The following FSTL4 variants were observed in gnomAD, a reference collection of about 807,000 sequenced individuals.
FSTL4 encodes the protein follistatin like 4.
Under a neutral mutation model 78.2 loss-of-function variants are expected in FSTL4, and 28 were observed. That is an observed-to-expected ratio of 0.36 (90% CI 0.27 to 0.49). FSTL4 has a LOEUF of 0.49. Ranked by LOEUF, FSTL4 falls within the 20% of genes least tolerant of loss-of-function variation. FSTL4 has a pLI of 0.98. For synonymous variants in FSTL4, 422 were observed against 440.5 expected (o/e 0.96, Z 0.53); for missense variants, 922 against 1,084.9 (o/e 0.85, Z 2.11).
At chr5:133,764,398 T>G in the FSTL4 span, among the ~76,000 whole-genome samples, 1 of 152,150 alleles carries the variant, frequency 6.6e-6, no homozygotes, top group African/African-American at 2.4e-5. Context: ...GCACCAGGCA[T>G]GATTCCAGGA....
chr5:133,591,852 T>C (rs1760634970), intron 2 of FSTL4, among the ~76,000 whole-genome samples: 1 of 152,048 alleles, frequency 6.6e-6, no homozygotes, highest in Non-Finnish European at 1.5e-5. Flanking sequence ...CCTGAGCCCA[T>C]GAAGGCATCC....
chr5:133,375,581 G>A (rs1755415675), intron 4 of FSTL4, among the ~76,000 whole-genome samples: 1 of 152,000 alleles, frequency 6.6e-6, no homozygotes, highest in African/African-American at 2.4e-5. Flanking sequence ...GTTGGTGAAA[G>A]CATGAAAGGA....
chr5:133,753,742 G>T, the FSTL4 span, among the ~76,000 whole-genome samples: 3 of 144,352 alleles, frequency 2.1e-5, no homozygotes, highest in East Asian at 2.0e-4. Flanking sequence ...GGCAGGGAAG[G>T]TCTGGCCCAG....
At chr5:133,263,384 G>A (rs1350296065) in intron 6 of FSTL4, among the ~76,000 whole-genome samples, 4 of 152,064 alleles carry the variant, frequency 2.6e-5, no homozygotes, top group African/African-American at 4.8e-5. Flanking sequence ...GAGATCTGAG[G>A]GTGGAGTTCT....
chr5:133,550,807 AG>A (rs1308237019), intron 3 of FSTL4, among the ~76,000 whole-genome samples: 8 of 152,250 alleles, frequency 5.3e-5, no homozygotes, highest in Non-Finnish European at 8.8e-5. Flanking sequence ...ATGAGTAATA[AG>A]AGTAGGATAA....
chr5:133,223,998 A>T (rs1282310899), intron 11 of FSTL4, 192 bp downstream of exon 11: 19 of 524,454 alleles, frequency 3.6e-5, no homozygotes, highest in East Asian at 6.4e-5. Flanking sequence ...GCATTTAAAA[A>T]TTTCTCATTA....
intron 3 of FSTL4, among the ~76,000 whole-genome samples, chr5:133,430,216 A>G (rs552831147): frequency 2.6e-5 from 4 of 152,298 alleles, no homozygotes; most frequent in East Asian, 1.9e-4. Context: ...AGAAAAACCA[A>G]TTTAGTTAAT....
chr5:133,456,105 T>C (rs1757482514), intron 3 of FSTL4, among the ~76,000 whole-genome samples: 1 of 152,242 alleles, frequency 6.6e-6, no homozygotes, highest in Non-Finnish European at 1.5e-5. Flanking sequence ...GCCTCAGCCA[T>C]GTGGATCAGT....
chr5:133,372,844 A>T (rs1326658041), intron 4 of FSTL4, among the ~76,000 whole-genome samples: 1 of 152,124 alleles, frequency 6.6e-6, no homozygotes, highest in East Asian at 1.9e-4. Context: ...CTCTGCTTTA[A>T]TTGTGCCCAG....
chr5:133,788,468 G>A, the FSTL4 span, among the ~76,000 whole-genome samples: 3 of 152,158 alleles, frequency 2.0e-5, no homozygotes, highest in African/African-American at 2.4e-5. Flanking sequence ...GGCAAGTGCC[G>A]CTCACACCAG....
intron 6 of FSTL4, among the ~76,000 whole-genome samples, chr5:133,269,602 T>G (rs1013979715): frequency 6.6e-6 from 1 of 152,220 alleles, no homozygotes; most frequent in African/African-American, 2.4e-5. Context: ...TCATGCTCAC[T>G]TGGGTTCTGG....
chr5:133,362,142 A>G (rs1022937864), intron 4 of FSTL4, among the ~76,000 whole-genome samples: 1 of 152,244 alleles, frequency 6.6e-6, no homozygotes, highest in Non-Finnish European at 1.5e-5. Context: ...TGAGTTGCCA[A>G]TTCCATAAAC....
chr5:133,591,163 T>TTTACAGCCTGTC, intron 2 of FSTL4, among the ~76,000 whole-genome samples: 1 of 152,264 alleles, frequency 6.6e-6, no homozygotes, highest in East Asian at 1.9e-4. Context: ...CCAAGCCTGT[T>TTTACAGCCTGTC]TTACAGCCTG....
chr5:133,841,444 A>G, the FSTL4 span, among the ~76,000 whole-genome samples: 3 of 152,188 alleles, frequency 2.0e-5, no homozygotes, highest in Non-Finnish European at 4.4e-5. Context: ...CTCCATATCC[A>G]CCAGGAGGTT....
intron 6 of FSTL4, among the ~76,000 whole-genome samples, chr5:133,261,872 G>C (rs1018047076): frequency 9.9e-5 from 15 of 151,892 alleles, no homozygotes; most frequent in African/African-American, 3.6e-4. Flanking sequence ...TGTGCCTGTA[G>C]TCCCAGCTAC....
chr5:133,604,067 G>T, intron 1 of FSTL4, 74 bp from the exon 2 acceptor site: 2 of 1,075,808 alleles, frequency 1.9e-6, no homozygotes, highest in Non-Finnish European at 2.8e-6. Context: ...GAGTTAGTAT[G>T]TGTTCCCCAG....
At chr5:133,708,757 T>C in the FSTL4 span, among the ~76,000 whole-genome samples, 1 of 152,202 alleles carries the variant, frequency 6.6e-6, no homozygotes, top group African/African-American at 2.4e-5. Context: ...GTGGCCCAAA[T>C]GTAGGCCAGC....
chr5:133,713,061 C>A, the FSTL4 span, among the ~76,000 whole-genome samples: 8 of 152,224 alleles, frequency 5.3e-5, no homozygotes, highest in African/African-American at 1.9e-4. Flanking sequence ...ACAAAGAGAT[C>A]CTGTTATCCT....
At chr5:133,800,574 T>A in the FSTL4 span, among the ~76,000 whole-genome samples, 3 of 138,528 alleles carry the variant, frequency 2.2e-5, no homozygotes, top group East Asian at 5.9e-4. Context: ...CGCTTCCTCC[T>A]CCCACTGCCC....
Sources: allele counts gnomAD v4.1 joint callset (sites outside exome capture counted in the v4.1 genomes callset), GRCh38; gene constraint gnomAD v4.1.1; transcripts MANE v1.5; gene names NCBI Gene and HGNC (gene_info 2026-07-23, HGNC 2026-07-21).